Variants in SPICE1 observed in about 807,000 individuals in gnomAD.
The protein encoded by SPICE1 is spindle and centriole associated protein 1, also known as spindle and centriole-associated protein 1.
SPICE1 carries 75 observed loss-of-function variants against 102.7 expected under a neutral mutation model. That is an observed-to-expected ratio of 0.73 (90% CI 0.61 to 0.88). SPICE1 has a LOEUF of 0.88. Ranked by LOEUF, SPICE1 falls within the 40% of genes least tolerant of loss-of-function variation. The pLI, the probability that SPICE1 is intolerant of heterozygous loss-of-function variation, is 0.00. For synonymous variants in SPICE1, 308 were observed against 350.3 expected, an observed-to-expected ratio of 0.88 and a Z score of 1.35; for missense variants, 979 against 1,020.1, an observed-to-expected ratio of 0.96 and a Z score of 0.55.
At chr3:113,514,357 G>T in intron 1 of SPICE1, 2 of 274,472 alleles carry the variant, frequency 7.3e-6, no homozygotes, top group Non-Finnish European at 1.4e-5. Flanking sequence ...AAACACTGTT[G>T]AATCAATCCT....
At chr3:113,512,607 C>G (rs562507817) in intron 1 of SPICE1, among the ~76,000 whole-genome samples, 1 of 152,120 alleles carries the variant, frequency 6.6e-6, no homozygotes, top group Non-Finnish European at 1.5e-5. Flanking sequence ...CGGGGTTTCA[C>G]CATGTTGGTC....
intron 14 of SPICE1, among the ~76,000 whole-genome samples, chr3:113,452,144 G>A (rs1935667419): frequency 6.6e-6 from 1 of 152,048 alleles, no homozygotes; most frequent in Non-Finnish European, 1.5e-5. Context: ...CAGAAACAAC[G>A]AAATGAAGGT....
At chr3:113,450,778 G>A (rs370829660) in intron 14 of SPICE1, among the ~76,000 whole-genome samples, 45 of 152,044 alleles carry the variant, frequency 3.0e-4, no homozygotes, top group South Asian at 4.2e-4. Flanking sequence ...GGGTTTCACC[G>A]TGTTAGCCAG....
chr3:113,512,462 G>C (rs936339259), intron 1 of SPICE1, among the ~76,000 whole-genome samples: 1 of 138,340 alleles, frequency 7.2e-6, no homozygotes, highest in Non-Finnish European at 1.5e-5. Flanking sequence ...AGGCTGGAGT[G>C]CAGTGGCACG....
chr3:113,486,210 C>CATATAT (rs60309507), intron 7 of SPICE1, among the ~76,000 whole-genome samples: 4,876 of 140,970 alleles, frequency 0.035, 278 homozygotes, highest in African/African-American at 0.12. Flanking sequence ...TGACCATTCT[C>CATATAT]ATATATATAT....
chr3:113,492,822 G>T (rs1021081178), intron 6 of SPICE1, among the ~76,000 whole-genome samples: 1 of 152,136 alleles, frequency 6.6e-6, no homozygotes, highest in African/African-American at 2.4e-5. Flanking sequence ...CAAGTGGAAA[G>T]ACTCCCTGCT....
chr3:113,477,543 CCAA>C (rs1308191361), intron 7 of SPICE1, among the ~76,000 whole-genome samples: 1 of 151,534 alleles, frequency 6.6e-6, no homozygotes, highest in African/African-American at 2.4e-5. Flanking sequence ...ACCCAAATGT[CCAA>C]CAACGATAGA....
chr3:113,463,666 A>G (rs1026492200), intron 11 of SPICE1, among the ~76,000 whole-genome samples: 1 of 152,262 alleles, frequency 6.6e-6, no homozygotes, highest in East Asian at 1.9e-4. Context: ...CACATATTAC[A>G]TTATTCCATT....
Position 113,445,072 on chromosome 3 carries a change from CTT to C in SPICE1, c.*233_*234del, listed in dbSNP as rs1935481695. On this transcript the variant is annotated 3_prime_UTR_variant, in exon 18 of 18. Coordinates refer to ENST00000295872, the MANE Select transcript of SPICE1 (RefSeq NM_144718.4). ...CTTAAGAAAGTATTAAAATACAAAA[CTT>C]TAACTTCTCTACAGTCAAAGTTTCA... 1.4e-5 allele frequency: 5 copies of C among 348,168 alleles called. No homozygotes were observed. Among genetic ancestry groups the C allele is most frequent in the Middle Eastern group, 7.7e-4 (1 of 1,304 alleles). 21.6% of individuals were successfully genotyped at this position (348,168 alleles called of 1,614,324 possible). A position where few individuals can be genotyped will look rare whatever the true frequency, so the allele number is the denominator to read the frequency against.
At chr3:113,453,371 G>C (rs1358636165) in intron 14 of SPICE1, 95 bp downstream of exon 14, 3 of 1,462,172 alleles carry the variant, frequency 2.1e-6, no homozygotes, top group East Asian at 4.6e-5. Context: ...AAGCTTTCTA[G>C]GATCACTTCT....
chr3:113,485,706 T>G (rs1450497518), intron 7 of SPICE1, among the ~76,000 whole-genome samples: 1 of 152,202 alleles, frequency 6.6e-6, no homozygotes, highest in Non-Finnish European at 1.5e-5. Context: ...AGCGGACCTT[T>G]TAACAAATGG....
chr3:113,464,289 C>G (rs1373916615), intron 11 of SPICE1, among the ~76,000 whole-genome samples: 2 of 147,940 alleles, frequency 1.4e-5, no homozygotes, highest in Non-Finnish European at 3.0e-5. Context: ...CAGGGTCTCA[C>G]TCTGTCACCT....
chr3:113,477,295 G>A (rs533095485), intron 7 of SPICE1, among the ~76,000 whole-genome samples: 123 of 152,204 alleles, frequency 8.1e-4, no homozygotes, highest in African/African-American at 2.9e-3. Context: ...AACAGGTGCT[G>A]GAGAGGATGT....
intron 1 of SPICE1, chr3:113,514,416 T>C (rs1053674342): frequency 6.5e-5 from 23 of 352,244 alleles, no homozygotes; most frequent in African/African-American, 4.3e-4. Context: ...ACCTACTTCC[T>C]CTAGATTCGG....
In SPICE1 at chr3:113,476,129, T is replaced by C. The variant is rs1936339836; in HGVS notation, c.612-6891A>G. Among the ~76,000 whole-genome samples the C allele has an allele frequency of 5.3e-5, 8 of 151,932 alleles. No individual in the cohort carries two copies. The South Asian group carries it at 1.4e-3, about 28-fold the overall frequency. On this transcript the variant is annotated intron_variant, in intron 7 of 17. Coordinates refer to ENST00000295872, the MANE Select transcript of SPICE1 (RefSeq NM_144718.4). ...AATGTACAAAAATCACAAGCATTCT[T>C]ATACACCAATAACAGACAAAAGAGA...
chr3:113,507,859 G>A (rs767837603), intron 1 of SPICE1, among the ~76,000 whole-genome samples: 4 of 151,990 alleles, frequency 2.6e-5, no homozygotes, highest in South Asian at 2.1e-4. Flanking sequence ...TTTTACAAAC[G>A]AGAAAACTGA....
chr3:113,468,238 T>C lies in SPICE1; in HGVS notation c.1056A>G (p.Thr352=). Residue 352 remains threonine, a synonymous_variant, in exon 10 of 18, where the codon ACA becomes ACG. Coordinates refer to ENST00000295872, the MANE Select transcript of SPICE1 (RefSeq NM_144718.4). ...TCTGCAGACCCTTGACCTCGCGACC[T>C]GTCCACCGCTCATATTCTTCCATTT... is the stretch of plus-strand genomic sequence containing the variant. ...EHEMEEYERW[T]GREVKGLQSS... 1 of 1,614,138 alleles carries C rather than the reference T, an allele frequency of 6.2e-7. No individual in the cohort carries two copies. The highest frequency in any genetic ancestry group is 8.5e-7 in the Non-Finnish European group (1 of 1,180,028).
At chr3:113,473,161 C>A (rs150064499) in intron 7 of SPICE1, among the ~76,000 whole-genome samples, 25 of 152,102 alleles carry the variant, frequency 1.6e-4, no homozygotes, top group Non-Finnish European at 1.6e-4. Context: ...GGAGCTAATG[C>A]GATCAACTGG....
intron 1 of SPICE1, among the ~76,000 whole-genome samples, chr3:113,510,501 G>C (rs1008726186): frequency 1.3e-5 from 2 of 152,104 alleles, no homozygotes; most frequent in Non-Finnish European, 2.9e-5. Flanking sequence ...CAACAAACCT[G>C]ACAAAAACAA....
Sources: gnomAD v4.1 joint callset for allele counts (sites outside exome capture counted in the v4.1 genomes callset) on GRCh38, gnomAD v4.1.1 for gene constraint, MANE v1.5 for transcripts, NCBI Gene and HGNC (gene_info 2026-07-23, HGNC 2026-07-21) for gene names.